Variants in MTA1 observed in about 807,000 individuals in gnomAD.
MTA1 encodes the protein metastasis associated 1, also known as metastasis-associated protein MTA1.
MTA1 carries 15 observed loss-of-function variants against 97.0 expected under a neutral mutation model. That is an observed-to-expected ratio of 0.15 (90% CI 0.10 to 0.24). MTA1 has a LOEUF of 0.24. Among genes scored for constraint, MTA1 ranks in the 10% least tolerant of loss-of-function variants. The probability of loss-of-function intolerance (pLI) is 1.00; values close to 1 mark genes in which losing one functional copy is unlikely to be tolerated. For synonymous variants in MTA1, 435 were observed against 417.5 expected (o/e 1.04, Z -0.51); for missense variants, 709 against 1,015.1 (o/e 0.70, Z 4.10).
chr14:105,445,811 C>A (rs2082699957), intron 3 of MTA1: 1 of 475,984 alleles, frequency 2.1e-6, no homozygotes, highest in South Asian at 2.0e-5. Context: ...ATCGAGGCTT[C>A]TTTTTCCCTT....
chr14:105,425,083 C>T (rs1253815257), intron 1 of MTA1, among the ~76,000 whole-genome samples: 1 of 152,146 alleles, frequency 6.6e-6, no homozygotes, highest in East Asian at 1.9e-4. Flanking sequence ...GGCCAGGTAC[C>T]CGGGAGGCGG....
rs1286236051 is a variant in MTA1 at position 105,422,716 on chromosome 14, T to C, written c.28+2653T>C. On this transcript the variant is annotated intron_variant, in intron 1 of 20. Transcript: ENST00000331320. This position sits in a 1 kb window ranked among gnomAD's most constrained non-coding sequence, Gnocchi z 4.3. ...ACCCGTATTTTAGCTGGCAGGCTAC[T>C]CCGAGGCCCTGCCAGGTTGGGCTAG... Among the ~76,000 whole-genome samples, 1 of 152,222 alleles carries C rather than the reference T, an allele frequency of 6.6e-6. No individual in the cohort carries two copies. The highest frequency in any genetic ancestry group is 1.5e-5 in the Non-Finnish European group (1 of 68,024).
chr14:105,429,460 T>C (rs1486136257), intron 1 of MTA1, among the ~76,000 whole-genome samples: 1 of 150,646 alleles, frequency 6.6e-6, no homozygotes, highest in Non-Finnish European at 1.5e-5. Flanking sequence ...TAATTTTTTT[T>C]TTTTTTTTTG....
chr14:105,460,823 C>T lies in MTA1; in HGVS notation c.812C>T (p.Ala271Val), dbSNP rs782554752. ...NIYDISKAIS[A>V]LVPQGGPVLC... is the part of the protein sequence containing the mutation. ...TACGACATCTCCAAGGCCATCTCGG[C>T]GCTGGTGCCGCAGGGCGGGCCCGTG... Residue 271 changes from alanine to valine, a missense_variant, in exon 10 of 21, where the codon GCG becomes GTG. Physicochemically the swap from Ala to Val is moderately conservative, Grantham distance 64. Coordinates refer to ENST00000331320, the MANE Select transcript of MTA1 (RefSeq NM_004689.4). 9.3e-6 allele frequency: 15 copies of T among 1,611,306 alleles called. No individual in the cohort carries two copies. The highest frequency in any genetic ancestry group is 2.2e-5 in the East Asian group (1 of 44,810).
intron 3 of MTA1, among the ~76,000 whole-genome samples, chr14:105,447,388 C>T (rs1595351968): frequency 6.6e-6 from 1 of 152,202 alleles, no homozygotes; most frequent in African/African-American, 2.4e-5. Context: ...TGTCCCTGCT[C>T]CAGAGAGCCT....
intron 3 of MTA1, among the ~76,000 whole-genome samples, chr14:105,447,293 A>T (rs1555427423): frequency 1.3e-5 from 2 of 151,962 alleles, no homozygotes; most frequent in Admixed American, 1.3e-4. Context: ...TGGCCTGGGG[A>T]GTCAGGCGCC....
In MTA1 at chr14:105,452,674, C is replaced by G. The variant is rs587639353; in HGVS notation, c.433-1519C>G. Among the ~76,000 whole-genome samples the G allele has an allele frequency of 2.0e-5, 3 of 152,246 alleles. No homozygotes were observed. The East Asian group carries it at 5.8e-4, about 29-fold the overall frequency. On this transcript the variant is annotated intron_variant, in intron 6 of 20. Transcript: ENST00000331320. ...TCTATCTTGGGTGATAGAGCAAGACCCTATCTCCAAAAAAAATAAAAGATC... is the reference window on the plus strand; with the variant it reads ...TCTATCTTGGGTGATAGAGCAAGACGCTATCTCCAAAAAAAATAAAAGATC...
At chr14:105,426,744 A>G (rs1044511521) in intron 1 of MTA1, among the ~76,000 whole-genome samples, 8 of 152,228 alleles carry the variant, frequency 5.3e-5, no homozygotes, top group African/African-American at 1.9e-4. Flanking sequence ...GGGGACAGCA[A>G]CGGAGGAGGA....
At chr14:105,426,245 G>T (rs1385373742) in intron 1 of MTA1, among the ~76,000 whole-genome samples, 6 of 152,228 alleles carry the variant, frequency 3.9e-5, no homozygotes, top group South Asian at 2.1e-4. Context: ...CGTCACAGGG[G>T]AGGAAACCAG....
rs587744508 is a variant in MTA1 at position 105,470,376 on chromosome 14, A to AGC, written c.*165_*166dup. ...CGGACACTGGGGGAGGAGAGGAAGA[A>AGC]GCGCGGCTAACTTATTCCGAGAATG... On this transcript the variant is annotated 3_prime_UTR_variant, in exon 21 of 21. Transcript: ENST00000331320. 5.0e-5 allele frequency: 29 copies of AGC among 575,566 alleles called. No individual in the cohort carries two copies. In the South Asian group the frequency reaches 6.8e-4, roughly 13 times the overall value. 35.7% of individuals were successfully genotyped at this position (575,566 alleles called of 1,614,324 possible).
intron 3 of MTA1, chr14:105,445,934 G>A: frequency 3.0e-6 from 1 of 333,848 alleles, no homozygotes; most frequent in Non-Finnish European, 5.8e-6. Flanking sequence ...TCTGAGTAGT[G>A]TTTTCAGGAA....
intron 3 of MTA1, among the ~76,000 whole-genome samples, chr14:105,447,623 T>G (rs2082761886): frequency 6.6e-6 from 1 of 152,086 alleles, no homozygotes; most frequent in Non-Finnish European, 1.5e-5. Flanking sequence ...CCCCCCCAGG[T>G]ACACAGCACA....
At chr14:105,468,368 A>C in intron 18 of MTA1, 2 of 1,303,930 alleles carry the variant, frequency 1.5e-6, no homozygotes, top group Non-Finnish European at 1.0e-6. Flanking sequence ...TTTTTGTGCT[A>C]CTGGCCAGCC....
Position 105,466,716 on chromosome 14 carries a change from A to G in MTA1, c.1787A>G (p.Lys596Arg). The change falls in exon 18 of 21, where the codon AAG (lysine) becomes AGG (arginine). Residue 596 changes from lysine (K) to arginine (R), a missense_variant. By Grantham distance (26) the Lys-to-Arg change is conservative. Transcript: ENST00000331320. ...EQHNGVDGNM[K>R]KRLLMPSRGL... ...ACCCCGGCGCTGCCAGGCAACATGA[A>G]GAAGCGCCTCTTGATGCCCAGTAGG... 1 of 1,601,400 alleles carries G rather than the reference A, an allele frequency of 6.2e-7. No homozygotes were observed.
At chr14:105,436,569 C>G (rs587680118) in intron 1 of MTA1, among the ~76,000 whole-genome samples, 2 of 152,196 alleles carry the variant, frequency 1.3e-5, no homozygotes, top group East Asian at 3.9e-4. Flanking sequence ...CCCCACTGCA[C>G]GCAGCCGTCG....
At chr14:105,458,444 G>A in intron 8 of MTA1, 72 bp downstream of exon 8, 1 of 1,395,662 alleles carries the variant, frequency 7.2e-7, no homozygotes, top group Non-Finnish European at 1.0e-6. Context: ...CCTGTGGTGG[G>A]TGTTGGGGAC....
At chr14:105,468,259 C>T (rs1052627420) in intron 18 of MTA1, 11 of 1,270,418 alleles carry the variant, frequency 8.7e-6, no homozygotes, top group Middle Eastern at 4.3e-4. Flanking sequence ...TCCCCACCTG[C>T]GGGGCCTGCA....
At chr14:105,437,913 C>T (rs1449831738) in intron 1 of MTA1, among the ~76,000 whole-genome samples, 2 of 152,326 alleles carry the variant, frequency 1.3e-5, no homozygotes, top group South Asian at 4.1e-4. Flanking sequence ...CTCTGGGCTC[C>T]GGAAGGTTCC....
intron 4 of MTA1, among the ~76,000 whole-genome samples, 185 bp downstream of exon 4, chr14:105,449,594 G>C (rs587728490): frequency 6.6e-6 from 1 of 152,212 alleles, no homozygotes; most frequent in Non-Finnish European, 1.5e-5. Context: ...GTGCGGCCCC[G>C]GCCTGAGGGT....
Sources: allele counts gnomAD v4.1 joint callset (sites outside exome capture counted in the v4.1 genomes callset), GRCh38; gene constraint gnomAD v4.1.1; non-coding constraint Gnocchi (gnomAD v3.1); transcripts MANE v1.5; gene names NCBI Gene and HGNC (gene_info 2026-07-23, HGNC 2026-07-21).